The following CCDC15 variants were observed in gnomAD, a reference collection of about 807,000 sequenced individuals.
CCDC15 encodes the protein coiled-coil domain containing 15, also known as coiled-coil domain-containing protein 15.
A neutral mutation model predicts 114.5 loss-of-function variants in CCDC15; 105 were observed. The observed-to-expected ratio is 0.92, with a 90% CI of 0.78 to 1.08. The LOEUF (loss-of-function observed/expected upper bound fraction) is 1.08. Ranked by LOEUF, CCDC15 falls within the 50% of genes least tolerant of loss-of-function variation. The probability of loss-of-function intolerance (pLI) is 0.00; values close to 1 mark genes in which losing one functional copy is unlikely to be tolerated. For missense variants in CCDC15, 1,105 were observed against 1,093.6 expected (o/e 1.01, Z -0.15); for synonymous variants, 334 against 377.8 (o/e 0.88, Z 1.34).
chr11:124,968,204 G>A (rs1331960148), intron 4 of CCDC15, among the ~76,000 whole-genome samples: 2 of 152,222 alleles, frequency 1.3e-5, no homozygotes, highest in African/African-American at 4.8e-5. Context: ...AGACAGGGAC[G>A]TTTAAGTCTG....
At chr11:125,008,102 A>G (rs1202065570) in intron 13 of CCDC15, among the ~76,000 whole-genome samples, 1 of 152,234 alleles carries the variant, frequency 6.6e-6, no homozygotes, top group African/African-American at 2.4e-5. Flanking sequence ...GTTAATGTAT[A>G]TATCAAGTTG....
At chr11:124,984,224 G>A (rs1467272942) in intron 6 of CCDC15, among the ~76,000 whole-genome samples, 1 of 152,154 alleles carries the variant, frequency 6.6e-6, no homozygotes, top group Non-Finnish European at 1.5e-5. Context: ...TGCTGGAAAA[G>A]TGGCATGAGG....
chr11:124,963,164 A>T (rs148674028), intron 4 of CCDC15, among the ~76,000 whole-genome samples: 3,210 of 152,288 alleles, frequency 0.021, 123 homozygotes, highest in African/African-American at 0.073. Flanking sequence ...CCAAGTAATG[A>T]GATGGCTGGG....
At position 125,005,121 on chromosome 11, in the gene CCDC15, T is replaced by C. The variant is rs1249858983; in HGVS notation, c.2320T>C (p.Tyr774His). The C allele has an allele frequency of 1.3e-6, 2 of 1,515,082 alleles. No individual in the cohort carries two copies. The highest frequency in any genetic ancestry group is 2.3e-5 in the East Asian group (1 of 42,750). 93.9% of individuals were successfully genotyped at this position (1,515,082 alleles called of 1,614,324 possible). Residue 774 changes from tyrosine (Y) to histidine (H), a missense_variant, in exon 13 of 16, where the codon TAC becomes CAC. Coordinates refer to ENST00000344762, the MANE Select transcript of CCDC15 (RefSeq NM_025004.3). ...EEDKKERQKQ[Y>H]LRHRRLFMDI... ...TTCTTACCTTTAGCGTCAAAAGCAG[T>C]ACCTGAGACATAGACGACTTTTCAT...
At chr11:124,956,855 T>C (rs1947561386) in intron 2 of CCDC15, among the ~76,000 whole-genome samples, 1 of 152,210 alleles carries the variant, frequency 6.6e-6, no homozygotes, top group Non-Finnish European at 1.5e-5. Flanking sequence ...AAATAAATGC[T>C]GAATAGTTAC....
chr11:124,986,911 ATTAAT>A, intron 7 of CCDC15, 23 bp downstream of exon 7: 1 of 1,520,040 alleles, frequency 6.6e-7, no homozygotes, highest in Non-Finnish European at 8.8e-7. Flanking sequence ...GAGAAATTAA[ATTAAT>A]TGTGATTTGG....
chr11:124,956,749 G>A (rs752764219), intron 2 of CCDC15, among the ~76,000 whole-genome samples: 60 of 152,174 alleles, frequency 3.9e-4, no homozygotes, highest in Admixed American at 7.9e-4. Context: ...TCCAGCCAAA[G>A]GGAGTTTGAT....
chr11:124,968,615 G>C (rs532378938), intron 4 of CCDC15, among the ~76,000 whole-genome samples: 111 of 152,196 alleles, frequency 7.3e-4, no homozygotes, highest in Non-Finnish European at 1.2e-3. Context: ...CACTTCCTGG[G>C]TGAGGCGATG....
At chr11:125,028,519 T>G (rs1054489989) in intron 13 of CCDC15, among the ~76,000 whole-genome samples, 14 of 152,086 alleles carry the variant, frequency 9.2e-5, no homozygotes, top group African/African-American at 3.4e-4. Context: ...GTGGTGGTTT[T>G]GTTTTGTTTT....
chr11:125,032,745 A>C (rs558799488), intron 13 of CCDC15, among the ~76,000 whole-genome samples: 1 of 152,270 alleles, frequency 6.6e-6, no homozygotes, highest in South Asian at 2.1e-4. Flanking sequence ...GTCTATGCCA[A>C]TTATGCATTC....
chr11:124,987,494 AC>A lies in CCDC15; in HGVS notation c.1270del (p.Gln424ArgfsTer224), dbSNP rs752088306. The part of the protein sequence containing the change: ...LPTNQALLTK[N>X]QDVLLKDHCV... ...ACAAATCAGGCTCTTCTAACGAAAAACCAGGATGTTTTACTCAAAGACCACT... is the reference window on the plus strand; with the variant it reads ...ACAAATCAGGCTCTTCTAACGAAAAACAGGATGTTTTACTCAAAGACCACT... On this transcript the variant is annotated frameshift_variant, in exon 8 of 16. Transcript: ENST00000344762. LOFTEE classifies it high-confidence loss of function. 65 of 1,614,020 alleles carry A rather than the reference AC, an allele frequency of 4.0e-5. No homozygotes were observed. The highest frequency in any genetic ancestry group is 5.4e-5 in the Non-Finnish European group (64 of 1,179,896).
Position 124,987,725 on chromosome 11 carries a change from A to C in CCDC15, c.1499A>C (p.Gln500Pro), listed in dbSNP as rs1948197181. 6.2e-7 allele frequency: 1 copy of C among 1,613,892 alleles called. No individual in the cohort carries two copies. The highest frequency in any genetic ancestry group is 1.3e-5 in the African/African-American group (1 of 74,940). Residue 500 changes from glutamine (Q) to proline (P), a missense_variant, in exon 8 of 16, where the codon CAG becomes CCG. Gln to Pro is a moderately conservative substitution (Grantham distance 76). Coordinates refer to ENST00000344762, the MANE Select transcript of CCDC15 (RefSeq NM_025004.3). ...GATATTCTGCCAAAATATCAGGACC[A>C]GAATTTTCTACCTAAGGACCAGAAT... ...DQDILPKYQD[Q>P]NFLPKDQNFL...
intron 13 of CCDC15, among the ~76,000 whole-genome samples, chr11:125,025,540 A>G (rs1028580693): frequency 1.3e-5 from 2 of 151,166 alleles, no homozygotes; most frequent in East Asian, 3.9e-4. Flanking sequence ...CAGTGAATCC[A>G]TCTGGTTCTA....
chr11:125,004,136 C>G (rs532627500), intron 12 of CCDC15, among the ~76,000 whole-genome samples, 177 bp downstream of exon 12: 1 of 151,996 alleles, frequency 6.6e-6, no homozygotes, highest in South Asian at 2.1e-4. Flanking sequence ...TTTCCAAGCT[C>G]CTATGAGTTA....
At chr11:124,992,456 C>T (rs535445623) in intron 9 of CCDC15, 124 bp from the exon 10 acceptor site, 9 of 623,116 alleles carry the variant, frequency 1.4e-5, no homozygotes, top group African/African-American at 5.5e-5. Flanking sequence ...CATATCAAAA[C>T]GTATCAGAAT....
chr11:124,959,890 A>G lies in CCDC15; in HGVS notation c.403A>G (p.Asn135Asp), dbSNP rs1189550938. The change falls in exon 4 of 16, where the codon AAC (asparagine) becomes GAC (aspartate). Residue 135 changes from asparagine (N) to aspartate (D), a missense_variant. Transcript: ENST00000344762. ...TTCCAAAAGGACAAGTGTTTTTCCA[A>G]ACAATTTGAATGTTGCTATTGGAAG... ...LTSKRTSVFP[N>D]NLNVAIGSSR... 1.9e-6 allele frequency: 3 copies of G among 1,594,328 alleles called. No homozygotes were observed. The highest frequency in any genetic ancestry group is 2.7e-5 in the African/African-American group (2 of 74,826).
At chr11:125,022,386 G>A (rs990852538) in intron 13 of CCDC15, among the ~76,000 whole-genome samples, 1 of 151,852 alleles carries the variant, frequency 6.6e-6, no homozygotes, top group Non-Finnish European at 1.5e-5. Flanking sequence ...CCATAAAAAC[G>A]ATGTTTATGT....
At chr11:124,974,947 A>T (rs1236138959) in intron 4 of CCDC15, 149 bp from the exon 5 acceptor site, 2 of 519,248 alleles carry the variant, frequency 3.9e-6, no homozygotes, top group African/African-American at 4.0e-5. Context: ...CACTATCAGC[A>T]CATCAAAGTC....
At chr11:124,992,815 G>A in intron 10 of CCDC15, 128 bp downstream of exon 10, 1 of 584,710 alleles carries the variant, frequency 1.7e-6, no homozygotes, top group East Asian at 2.8e-5. Context: ...AAGGCCTCCA[G>A]AATTAAGCTA....
Sources: allele counts gnomAD v4.1 joint callset (sites outside exome capture counted in the v4.1 genomes callset), GRCh38; gene constraint gnomAD v4.1.1; transcripts MANE v1.5; gene names NCBI Gene and HGNC (gene_info 2026-07-23, HGNC 2026-07-21).